SHCBP1L: variants seen among roughly 807,000 people sequenced by gnomAD.
The protein encoded by SHCBP1L is testicular spindle-associated protein SHCBP1L.
A neutral mutation model predicts 62.5 loss-of-function variants in SHCBP1L; 67 were observed. The ratio of observed to expected loss-of-function variants is 1.07; its 90% CI spans 0.88 to 1.31. SHCBP1L has a LOEUF of 1.31. SHCBP1L is among the 40% of genes most tolerant of loss of function. The pLI, the probability that SHCBP1L is intolerant of heterozygous loss-of-function variation, is 0.00. For synonymous variants in SHCBP1L, 284 were observed against 289.4 expected (o/e 0.98, Z 0.19); for missense variants, 823 against 809.8 (o/e 1.02, Z -0.20).
chr1:182,904,418 C>G lies in SHCBP1L; in HGVS notation c.1349G>C (p.Arg450Thr). The change falls in exon 8 of 10, where the codon AGA (arginine) becomes ACA (threonine). Residue 450 changes from arginine to threonine, a missense_variant. Transcript: ENST00000367547. The stretch of plus-strand genomic sequence containing the variant: ...TTCAGAAGTAATCATAATTTCCTCT[C>G]TCTTTCCAACTCCTGATTCATAGGG... ...DDIIIKGVGK[R>T]EEIMITSEPS... 6.2e-7 allele frequency: 1 copy of G among 1,614,018 alleles called. No homozygotes were observed.
chr1:182,910,127 GGTGAA>G (rs1650133095), intron 6 of SHCBP1L, among the ~76,000 whole-genome samples: 1 of 152,260 alleles, frequency 6.6e-6, no homozygotes, highest in African/African-American at 2.4e-5. Flanking sequence ...GCACAGAAAT[GGTGAA>G]GTAATGGCTC....
chr1:182,929,504 T>C (rs1336684850), intron 6 of SHCBP1L, 143 bp downstream of exon 6: 1 of 497,966 alleles, frequency 2.0e-6, no homozygotes, highest in Non-Finnish European at 3.5e-6. Context: ...ATTTAGTATC[T>C]ATTATATGGC....
At chr1:182,952,579 C>T (rs1167908874) in intron 1 of SHCBP1L, 150 bp downstream of exon 1, 6 of 907,714 alleles carry the variant, frequency 6.6e-6, no homozygotes, top group Non-Finnish European at 9.6e-6. Flanking sequence ...GGTGAACGCT[C>T]TATACATGTT....
Position 182,928,166 on chromosome 1 carries a change from G to A in SHCBP1L, c.1182+1481C>T, listed in dbSNP as rs1650844789. Among the ~76,000 whole-genome samples, 2 of 147,654 alleles carry A rather than the reference G, an allele frequency of 1.4e-5. 1 individual carries two copies. The highest frequency in any genetic ancestry group is 4.3e-4 in the South Asian group (2 of 4,678). On this transcript the variant is annotated intron_variant, in intron 6 of 9. Coordinates refer to ENST00000367547, the MANE Select transcript of SHCBP1L (RefSeq NM_030933.4). ...GCAGACAAGACTATCTAATATGCCA[G>A]CTTTATCTTTCATCACTCTCTTAGA... is the stretch of plus-strand genomic sequence containing the variant.
intron 2 of SHCBP1L, chr1:182,942,084 T>C: frequency 2.2e-6 from 2 of 893,316 alleles, no homozygotes; most frequent in Non-Finnish European, 3.8e-6. Context: ...GGACCACTGA[T>C]AAGACATGGT....
chr1:182,905,637 A>G lies in SHCBP1L; in HGVS notation c.1195T>C (p.Ser399Pro). The G allele has an allele frequency of 3.7e-6, 6 of 1,611,700 alleles. No individual in the cohort carries two copies. The highest frequency in any genetic ancestry group is 1.1e-5 in the South Asian group (1 of 90,458). ...TGCTGTTGGAGAAGTGTGTCTGAAGATAAATCCTTTATCTAAAAAGAAATA... is the reference window on the plus strand; with the variant it reads ...TGCTGTTGGAGAAGTGTGTCTGAAGGTAAATCCTTTATCTAAAAAGAAATA... The part of the protein sequence containing the change: ...MMTTEMIKDL[S>P]SDTLLQQHGD... Residue 399 changes from serine (S) to proline (P), a missense_variant, in exon 7 of 10, where the codon TCT (serine) becomes CCT (proline). Coordinates refer to ENST00000367547, the MANE Select transcript of SHCBP1L (RefSeq NM_030933.4).
chr1:182,950,075 G>A (rs1310127030), intron 2 of SHCBP1L, among the ~76,000 whole-genome samples: 8 of 152,096 alleles, frequency 5.3e-5, no homozygotes, highest in Admixed American at 2.6e-4. Flanking sequence ...GAGCCACCAC[G>A]CCCAGCCGCC....
chr1:182,942,464 C>T, intron 2 of SHCBP1L: 1 of 666,690 alleles, frequency 1.5e-6, no homozygotes, highest in Non-Finnish European at 2.8e-6. Context: ...AGAGCCTCCG[C>T]GAAACTGGGC....
intron 2 of SHCBP1L, among the ~76,000 whole-genome samples, chr1:182,944,692 T>C (rs1281035251): frequency 6.6e-6 from 1 of 152,176 alleles, no homozygotes; most frequent in East Asian, 1.9e-4. Context: ...CATTGGATAT[T>C]GACTTCCAAC....
At chr1:182,925,386 T>G (rs1413081488) in intron 6 of SHCBP1L, among the ~76,000 whole-genome samples, 1 of 152,160 alleles carries the variant, frequency 6.6e-6, no homozygotes, top group African/African-American at 2.4e-5. Flanking sequence ...TAATAGATGT[T>G]ACTCCAAGGA....
In SHCBP1L at chr1:182,953,039, C is replaced by G. The variant is rs868364926; in HGVS notation, c.95G>C (p.Gly32Ala). Reference sequence around the variant, plus strand: ...CAGGGTGGTCGCGGCCGCCGTGTCCCCGGAGACAGCGGAGGCGGACTTCTC... The same window carrying G: ...CAGGGTGGTCGCGGCCGCCGTGTCCGCGGAGACAGCGGAGGCGGACTTCTC... ...RGEKSASAVSGDTAAATTLKG... is the reference protein window; with the variant it reads ...RGEKSASAVSADTAAATTLKG... Residue 32 changes from glycine (G) to alanine (A), a missense_variant, in exon 1 of 10, where the codon GGG becomes GCG. Gly to Ala is a moderately conservative substitution (Grantham distance 60, BLOSUM62 0). Transcript: ENST00000367547. 4.5e-6 allele frequency: 7 copies of G among 1,544,958 alleles called. No individual in the cohort carries two copies. The East Asian group carries it at 1.7e-4, about 37-fold the overall frequency.
At chr1:182,907,962 TTAAC>T (rs1345011264) in intron 6 of SHCBP1L, among the ~76,000 whole-genome samples, 3 of 152,230 alleles carry the variant, frequency 2.0e-5, no homozygotes, top group African/African-American at 4.8e-5. Context: ...TTGTAAATTC[TTAAC>T]TAAAGAAAAC....
At chr1:182,909,901 G>A (rs1038182197) in intron 6 of SHCBP1L, among the ~76,000 whole-genome samples, 2 of 152,154 alleles carry the variant, frequency 1.3e-5, no homozygotes, top group African/African-American at 4.8e-5. Context: ...GACAGAAGCC[G>A]GATCACAGTG....
chr1:182,904,085 G>A (rs1181601647), intron 8 of SHCBP1L, 95 bp downstream of exon 8: 1 of 1,426,852 alleles, frequency 7.0e-7, no homozygotes. Flanking sequence ...TCCACTAAAA[G>A]ATGAAGAAAT....
At chr1:182,944,315 G>C (rs1651479470) in intron 2 of SHCBP1L, 1 of 152,240 alleles carries the variant, frequency 6.6e-6, no homozygotes, top group Admixed American at 6.6e-5. Context: ...TAGGGCAGGA[G>C]AATCGCTGGA....
intron 6 of SHCBP1L, among the ~76,000 whole-genome samples, chr1:182,925,737 C>G (rs1018850106): frequency 1.3e-5 from 2 of 152,088 alleles, no homozygotes; most frequent in Non-Finnish European, 2.9e-5. Flanking sequence ...AACAAGTAGT[C>G]AGACAAACTC....
At position 182,939,496 on chromosome 1, in the gene SHCBP1L, A is replaced by G. The variant is rs1445046963; in HGVS notation, c.828T>C (p.Tyr276=). ...TAATTCTTTCTTCAATAAGTGCAGT[A>G]TAATTCTCACAACTTTCTTCATCAT... ...DWDDEESCEN[Y]TALIEERINL... The change falls in exon 4 of 10, where the codon TAT becomes TAC. Residue 276 remains tyrosine (Y), a synonymous_variant. Coordinates refer to ENST00000367547, the MANE Select transcript of SHCBP1L (RefSeq NM_030933.4). 6.2e-7 allele frequency: 1 copy of G among 1,609,296 alleles called. No homozygotes were observed. Among genetic ancestry groups the G allele is most frequent in the East Asian group, 2.2e-5 (1 of 44,728 alleles).
intron 2 of SHCBP1L, chr1:182,941,965 G>A: frequency 2.6e-6 from 3 of 1,142,440 alleles, no homozygotes; most frequent in Non-Finnish European, 3.8e-6. Flanking sequence ...AAAATGGGAT[G>A]AGGTGGGATT....
At position 182,951,388 on chromosome 1, in the gene SHCBP1L, T is replaced by C. The variant is rs1651740011; in HGVS notation, c.485A>G (p.Lys162Arg). ...KLKDKWLGVW[K>R]TNPSVFFVKY... The stretch of plus-strand genomic sequence containing the variant: ...CACAAAGAATACACTGGGATTAGTC[T>C]TCCAGACTCCAAGCCATTTGTCTTT... Residue 162 changes from lysine to arginine, a missense_variant, in exon 2 of 10, where the codon AAG becomes AGG. Coordinates refer to ENST00000367547, the MANE Select transcript of SHCBP1L (RefSeq NM_030933.4). 1 of 1,610,186 alleles carries C rather than the reference T, an allele frequency of 6.2e-7. No homozygotes were observed. The highest frequency in any genetic ancestry group is 1.3e-5 in the African/African-American group (1 of 74,868).
Sources: gnomAD v4.1 joint callset for allele counts (sites outside exome capture counted in the v4.1 genomes callset) on GRCh38, gnomAD v4.1.1 for gene constraint, MANE v1.5 for transcripts, NCBI Gene and HGNC (gene_info 2026-07-23, HGNC 2026-07-21) for gene names.